The following KCNH7 variants were observed in gnomAD, a reference collection of about 807,000 sequenced individuals.
KCNH7 encodes the protein voltage-gated inwardly rectifying potassium channel KCNH7.
A neutral mutation model predicts 120.8 loss-of-function variants in KCNH7; 49 were observed. The ratio of observed to expected loss-of-function variants is 0.41; its 90% CI spans 0.32 to 0.51. KCNH7 has a LOEUF of 0.51. Ranked by LOEUF, KCNH7 falls within the 20% of genes least tolerant of loss-of-function variation. The pLI, the probability that KCNH7 is intolerant of heterozygous loss-of-function variation, is 0.38. For synonymous variants in KCNH7, 547 were observed against 516.1 expected (o/e 1.06, Z -0.81); for missense variants, 1,097 against 1,446.6 (o/e 0.76, Z 3.92).
chr2:162,510,075 C>G (rs955221252), intron 5 of KCNH7, among the ~76,000 whole-genome samples: 3 of 151,496 alleles, frequency 2.0e-5, no homozygotes, highest in African/African-American at 4.8e-5. Flanking sequence ...AGGTACCCCT[C>G]TCACATATTA....
At chr2:162,484,558 C>T (rs1266518706) in intron 6 of KCNH7, among the ~76,000 whole-genome samples, 1 of 152,122 alleles carries the variant, frequency 6.6e-6, no homozygotes, top group Non-Finnish European at 1.5e-5. Flanking sequence ...CAATGTGCAA[C>T]AATTCATTTT....
intron 4 of KCNH7, among the ~76,000 whole-genome samples, chr2:162,513,028 CA>C (rs1462598283): frequency 3.3e-5 from 5 of 151,826 alleles, no homozygotes; most frequent in Admixed American, 1.3e-4. Flanking sequence ...AGTGTCTCCT[CA>C]ACTATCACTT....
chr2:162,566,705 C>T (rs1011526033), intron 2 of KCNH7, among the ~76,000 whole-genome samples: 1 of 151,946 alleles, frequency 6.6e-6, no homozygotes, highest in Non-Finnish European at 1.5e-5. Flanking sequence ...GAGTAATTGC[C>T]ATTGTAGGGC....
At chr2:162,483,189 T>C (rs1574013109) in intron 6 of KCNH7, among the ~76,000 whole-genome samples, 4 of 152,318 alleles carry the variant, frequency 2.6e-5, no homozygotes, top group African/African-American at 7.2e-5. Flanking sequence ...TCCATATGGT[T>C]GGGAAACAGA....
Position 162,504,628 on chromosome 2 carries a change from G to T in KCNH7, c.943C>A (p.Leu315Met). ...GPFNHIKSSL[L>M]GSTSDSNLNK... is the part of the protein sequence containing the mutation. ...AGGTTTGAATCTGATGTGGATCCCAGGAGGCTTGACTTGATATGATTAAAA... is the reference window on the plus strand; with the variant it reads ...AGGTTTGAATCTGATGTGGATCCCATGAGGCTTGACTTGATATGATTAAAA... Residue 315 changes from leucine (L) to methionine (M), a missense_variant, in exon 6 of 16, where the codon CTG becomes ATG. Leu to Met is a conservative substitution (Grantham distance 15). Around this residue, in one of 8 missense-constraint regions of KCNH7, gnomAD observed 362 missense variants for 372.2 expected, o/e 0.97. Transcript: ENST00000332142. 1 of 1,612,154 alleles carries T rather than the reference G, an allele frequency of 6.2e-7. No individual in the cohort carries two copies. Among genetic ancestry groups the T allele is most frequent in the Non-Finnish European group, 8.5e-7 (1 of 1,178,700 alleles).
At chr2:162,544,560 T>A (rs1401457541) in intron 2 of KCNH7, among the ~76,000 whole-genome samples, 1 of 152,182 alleles carries the variant, frequency 6.6e-6, no homozygotes, top group Non-Finnish European at 1.5e-5. Flanking sequence ...TGGGACAGAA[T>A]GCTTGGGTTC....
intron 2 of KCNH7, among the ~76,000 whole-genome samples, chr2:162,696,839 T>A (rs1009904197): frequency 1.3e-5 from 2 of 152,152 alleles, no homozygotes; most frequent in African/African-American, 4.8e-5. Flanking sequence ...GAATAATAAT[T>A]GCACTGATTG....
intron 2 of KCNH7, among the ~76,000 whole-genome samples, chr2:162,820,209 T>TTGTGTGTGTGTGTGTGTGTGTGTG (rs71410049): frequency 1.2e-3 from 116 of 99,728 alleles, no homozygotes; most frequent in Non-Finnish European, 1.4e-3. Context: ...CCGGCTAATT[T>TTGTGTGTGTGTGTGTGTGTGTGTG]TGTGTGTGTG....
chr2:162,451,079 C>G (rs1441459106), intron 6 of KCNH7, among the ~76,000 whole-genome samples: 11 of 151,988 alleles, frequency 7.2e-5, no homozygotes, highest in Non-Finnish European at 1.3e-4. Flanking sequence ...ATTCTACAAT[C>G]TGGGTTTGAA....
chr2:162,652,446 T>C (rs116382295), intron 2 of KCNH7, among the ~76,000 whole-genome samples: 2,879 of 152,120 alleles, frequency 0.019, 64 homozygotes, highest in East Asian at 0.12. Flanking sequence ...GGAGGGGTAG[T>C]GTGGGGGATT....
chr2:162,414,060 AG>A (rs1255305405), intron 9 of KCNH7, among the ~76,000 whole-genome samples: 2 of 152,032 alleles, frequency 1.3e-5, no homozygotes, highest in Non-Finnish European at 2.9e-5. Flanking sequence ...ATGTCATTAG[AG>A]TAAAAACAAA....
At chr2:162,532,106 C>T (rs1045661708) in intron 3 of KCNH7, among the ~76,000 whole-genome samples, 2 of 151,742 alleles carry the variant, frequency 1.3e-5, no homozygotes, top group African/African-American at 2.4e-5. Flanking sequence ...TAAAAGTACC[C>T]GTAAACCATG....
At chr2:162,693,861 C>T (rs1686198178) in intron 2 of KCNH7, among the ~76,000 whole-genome samples, 1 of 151,758 alleles carries the variant, frequency 6.6e-6, no homozygotes, top group African/African-American at 2.4e-5. Context: ...AAAAGGAAGA[C>T]TGGCCTCTAT....
Position 162,446,240 on chromosome 2 carries a change from A to G in KCNH7, c.1332T>C (p.Cys444=), listed in dbSNP as rs1469001235. 1.2e-6 allele frequency: 2 copies of G among 1,613,652 alleles called. No individual in the cohort carries two copies. Among genetic ancestry groups the G allele is most frequent in the Admixed American group, 1.7e-5 (1 of 59,988 alleles). ...NDREEQKRRE[C]GYSCSPLNVV... ...CATTCAAAGGGCTACAAGAATAGCC[A>G]CATTCTCGTCTTTTCTGTTCTTCTC... is the stretch of plus-strand genomic sequence containing the variant. The change falls in exon 7 of 16, where the codon TGT becomes TGC. Residue 444 remains cysteine (C), a synonymous_variant. Coordinates refer to ENST00000332142, the MANE Select transcript of KCNH7 (RefSeq NM_033272.4).
intron 10 of KCNH7, among the ~76,000 whole-genome samples, chr2:162,399,942 G>A (rs1414166521): frequency 6.6e-6 from 1 of 151,850 alleles, no homozygotes; most frequent in Non-Finnish European, 1.5e-5. Flanking sequence ...TGTCTAGGTA[G>A]CTGCCAAGAA....
At chr2:162,658,015 G>T (rs1200450422) in intron 2 of KCNH7, among the ~76,000 whole-genome samples, 1 of 151,690 alleles carries the variant, frequency 6.6e-6, no homozygotes, top group East Asian at 2.0e-4. Flanking sequence ...TAGGTGATGA[G>T]GGTGGGGATC....
At chr2:162,478,517 G>A (rs1267082205) in intron 6 of KCNH7, among the ~76,000 whole-genome samples, 2 of 152,110 alleles carry the variant, frequency 1.3e-5, no homozygotes, top group African/African-American at 4.8e-5. Flanking sequence ...ATTCTGGAAA[G>A]TATTTTGTTT....
intron 2 of KCNH7, among the ~76,000 whole-genome samples, chr2:162,630,299 A>G (rs1683719821): frequency 6.6e-6 from 1 of 152,120 alleles, no homozygotes; most frequent in Non-Finnish European, 1.5e-5. Context: ...TAAAGGTTCA[A>G]AATGCAATTC....
chr2:162,706,138 C>G (rs1390185103), intron 2 of KCNH7, among the ~76,000 whole-genome samples: 1 of 152,078 alleles, frequency 6.6e-6, no homozygotes, highest in Non-Finnish European at 1.5e-5. Flanking sequence ...GGGAGCTGTG[C>G]TGGAGACCGT....
Sources: gnomAD v4.1 joint callset for allele counts (sites outside exome capture counted in the v4.1 genomes callset) on GRCh38, gnomAD v4.1.1 for gene constraint, gnomAD v4.1.1 regional missense constraint, MANE v1.5 for transcripts, NCBI Gene and HGNC (gene_info 2026-07-23, HGNC 2026-07-21) for gene names.